The following SLC35F1 variants were observed in gnomAD, a reference collection of about 807,000 sequenced individuals.
The protein encoded by SLC35F1 is chromosome 6 open reading frame 169.
A neutral mutation model predicts 48.7 loss-of-function variants in SLC35F1; 14 were observed. That is an observed-to-expected ratio of 0.29 (90% CI 0.19 to 0.45). SLC35F1 has a LOEUF of 0.45. Among genes scored for constraint, SLC35F1 ranks in the 20% least tolerant of loss-of-function variants. The pLI, the probability that SLC35F1 is intolerant of heterozygous loss-of-function variation, is 1.00. For synonymous variants in SLC35F1, 190 were observed against 202.2 expected, an observed-to-expected ratio of 0.94 and a Z score of 0.51; for missense variants, 404 against 500.0, an observed-to-expected ratio of 0.81 and a Z score of 1.83.
intron 3 of SLC35F1, 131 bp from the exon 4 acceptor site, chr6:118,266,863 TG>T: frequency 1.1e-6 from 1 of 873,994 alleles, no homozygotes; most frequent in Non-Finnish European, 1.8e-6. Context: ...ACATCAAGTC[TG>T]GGTCTACACA....
chr6:117,979,046 T>C (rs1295335983), intron 1 of SLC35F1, among the ~76,000 whole-genome samples: 1 of 152,230 alleles, frequency 6.6e-6, no homozygotes, highest in Admixed American at 6.5e-5. Flanking sequence ...TGCCTAGTGT[T>C]ATTAATTCTT....
In SLC35F1 at chr6:118,141,794, A is replaced by T. The variant is rs60618303; in HGVS notation, c.174-12651A>T. ...TCAGTCCATTACGAGATGGTTTGTAAATGGTTTCATCTGGAGAACACAATA... is the reference window on the plus strand; with the variant it reads ...TCAGTCCATTACGAGATGGTTTGTATATGGTTTCATCTGGAGAACACAATA... On this transcript the variant is annotated intron_variant, in intron 1 of 7. Transcript: ENST00000360388. Among the ~76,000 whole-genome samples the T allele has an allele frequency of 2.2e-3, 340 of 152,300 alleles. 2 individuals are homozygous for T. The highest frequency in any genetic ancestry group is 7.8e-3 in the African/African-American group (326 of 41,578).
chr6:118,001,905 C>A (rs1777103336), intron 1 of SLC35F1, among the ~76,000 whole-genome samples: 1 of 150,726 alleles, frequency 6.6e-6, no homozygotes, highest in South Asian at 2.1e-4. Context: ...AATGAGATAC[C>A]ATCTCACACC....
intron 2 of SLC35F1, among the ~76,000 whole-genome samples, chr6:118,224,283 T>A (rs1775187518): frequency 6.6e-6 from 1 of 152,220 alleles, no homozygotes; most frequent in Non-Finnish European, 1.5e-5. Flanking sequence ...ATCTTCATGA[T>A]GATGAAAATT....
In SLC35F1 at chr6:118,160,163, G is replaced by A. The variant is rs139639885; in HGVS notation, c.349+5543G>A. On this transcript the variant is annotated intron_variant, in intron 2 of 7. Transcript: ENST00000360388. ...AATGAAAGCATGACTAGAATCATAA[G>A]TGTCTGCTTCTTTTTATATACAGAC... Among the ~76,000 whole-genome samples the A allele has an allele frequency of 7.2e-5, 11 of 152,290 alleles. No homozygotes were observed. The East Asian group carries it at 7.7e-4, about 11-fold the overall frequency.
In SLC35F1 at chr6:118,014,854, G is replaced by A. The variant is rs899140192; in HGVS notation, c.173+106955G>A. On this transcript the variant is annotated intron_variant, in intron 1 of 7. Coordinates refer to ENST00000360388, the MANE Select transcript of SLC35F1 (RefSeq NM_001029858.4). ...GCATTAGGCAATAGCCATCCTCTGA[G>A]GCTCACCTATATGGGCTGGCAGGTA... 2.0e-5 allele frequency among the ~76,000 whole-genome samples: 3 copies of A among 152,208 alleles called. No individual in the cohort carries two copies. In the East Asian group the frequency reaches 5.8e-4, roughly 29 times the overall value.
intron 2 of SLC35F1, among the ~76,000 whole-genome samples, chr6:118,158,532 C>G (rs189053771): frequency 6.6e-6 from 1 of 152,304 alleles, no homozygotes; most frequent in Admixed American, 6.5e-5. Flanking sequence ...CATTTTTAAA[C>G]AAATCTTTCT....
chr6:118,215,153 G>T (rs967081347), intron 2 of SLC35F1, among the ~76,000 whole-genome samples: 12 of 151,654 alleles, frequency 7.9e-5, no homozygotes, highest in Admixed American at 2.0e-4. Context: ...CTGAAAACCT[G>T]GGGAAAAAAA....
chr6:118,031,019 A>G (rs1772038867), intron 1 of SLC35F1, among the ~76,000 whole-genome samples: 1 of 152,092 alleles, frequency 6.6e-6, no homozygotes, highest in Non-Finnish European at 1.5e-5. Context: ...GAAAATACAT[A>G]GTTCCTACAT....
intron 1 of SLC35F1, among the ~76,000 whole-genome samples, chr6:118,125,703 C>T (rs569629301): frequency 5.9e-5 from 9 of 152,168 alleles, no homozygotes; most frequent in Non-Finnish European, 8.8e-5. Context: ...TCTATCTTAA[C>T]ATGTTTCTAA....
chr6:118,159,247 A>AAAAAAGG (rs1774191640), intron 2 of SLC35F1, among the ~76,000 whole-genome samples: 1 of 146,628 alleles, frequency 6.8e-6, no homozygotes, highest in Non-Finnish European at 1.5e-5. Context: ...AAAAAAAAAA[A>AAAAAAGG]GTGCTTACTG....
chr6:117,908,426 T>C (rs1051968133), intron 1 of SLC35F1, among the ~76,000 whole-genome samples: 21 of 152,126 alleles, frequency 1.4e-4, no homozygotes, highest in Non-Finnish European at 2.6e-4. Flanking sequence ...GGAACCCACT[T>C]CTCCAGCCTG....
chr6:118,012,377 G>A (rs936012964), intron 1 of SLC35F1, among the ~76,000 whole-genome samples: 1 of 151,516 alleles, frequency 6.6e-6, no homozygotes, highest in Non-Finnish European at 1.5e-5. Flanking sequence ...CTCTGGATAC[G>A]TGACTGTGAG....
At chr6:118,088,390 T>G (rs1401681323) in intron 1 of SLC35F1, among the ~76,000 whole-genome samples, 1 of 152,186 alleles carries the variant, frequency 6.6e-6, no homozygotes, top group Non-Finnish European at 1.5e-5. Context: ...ACATCAGGTA[T>G]GCAGGGTTGC....
intron 1 of SLC35F1, among the ~76,000 whole-genome samples, chr6:118,135,255 A>G (rs1773776815): frequency 6.6e-6 from 1 of 152,212 alleles, no homozygotes; most frequent in Admixed American, 6.5e-5. Context: ...ATTTGTTAAC[A>G]TGCTAACAAA....
chr6:118,125,496 G>A (rs553043916), intron 1 of SLC35F1, among the ~76,000 whole-genome samples: 27 of 152,254 alleles, frequency 1.8e-4, no homozygotes, highest in South Asian at 4.1e-4. Flanking sequence ...GTTTTGGGAC[G>A]AGCAAGAACT....
At chr6:118,018,004 A>G (rs1245102260) in intron 1 of SLC35F1, among the ~76,000 whole-genome samples, 1 of 152,210 alleles carries the variant, frequency 6.6e-6, no homozygotes, top group East Asian at 1.9e-4. Flanking sequence ...AAATCAAAGG[A>G]CAAACTTTAT....
At chr6:118,309,064 A>G (rs1776343245) in intron 7 of SLC35F1, among the ~76,000 whole-genome samples, 3 of 152,152 alleles carry the variant, frequency 2.0e-5, no homozygotes, top group Admixed American at 2.0e-4. Context: ...CATCAGGGGC[A>G]GTGTTCTCTC....
At chr6:117,942,668 T>A (rs1291655447) in intron 1 of SLC35F1, among the ~76,000 whole-genome samples, 1 of 152,186 alleles carries the variant, frequency 6.6e-6, no homozygotes, top group Non-Finnish European at 1.5e-5. Flanking sequence ...TTTCATGAAG[T>A]CCAGACTTCT....
Sources: allele counts gnomAD v4.1 joint callset (sites outside exome capture counted in the v4.1 genomes callset), GRCh38; gene constraint gnomAD v4.1.1; transcripts MANE v1.5; gene names NCBI Gene and HGNC (gene_info 2026-07-23, HGNC 2026-07-21).